DLG2: variants seen among roughly 807,000 people sequenced by gnomAD.
The protein encoded by DLG2 is disks large homolog 2.
Under a neutral mutation model 132.5 loss-of-function variants are expected in DLG2, and 45 were observed. The observed-to-expected ratio is 0.34, with a 90% CI of 0.27 to 0.44. The LOEUF is 0.44. Among genes scored for constraint, DLG2 ranks in the 20% least tolerant of loss-of-function variants. The probability of loss-of-function intolerance (pLI) is 1.00; values close to 1 mark genes in which losing one functional copy is unlikely to be tolerated. For synonymous variants in DLG2, 424 were observed against 419.6 expected (o/e 1.01, Z -0.13); for missense variants, 1,045 against 1,196.9 (o/e 0.87, Z 1.87).
intron 16 of DLG2, among the ~76,000 whole-genome samples, chr11:83,854,348 A>C (rs959557562): frequency 6.6e-6 from 1 of 152,142 alleles, no homozygotes; most frequent in Admixed American, 6.5e-5. Context: ...TCAAAATCCT[A>C]GCAAGTTATT....
At chr11:84,386,634 A>C (rs1041293333) in intron 7 of DLG2, among the ~76,000 whole-genome samples, 6 of 152,160 alleles carry the variant, frequency 3.9e-5, no homozygotes, top group African/African-American at 1.4e-4. Flanking sequence ...CCATCATATT[A>C]TAATTGTTTT....
intron 11 of DLG2, among the ~76,000 whole-genome samples, chr11:84,033,654 G>A (rs938378901): frequency 6.6e-6 from 1 of 152,152 alleles, no homozygotes; most frequent in African/African-American, 2.4e-5. Context: ...TGGGTAAAAC[G>A]CTACCAAACG....
At chr11:84,578,844 G>T (rs968530075) in intron 6 of DLG2, among the ~76,000 whole-genome samples, 1 of 152,060 alleles carries the variant, frequency 6.6e-6, no homozygotes, top group Non-Finnish European at 1.5e-5. Context: ...TGACCCTACC[G>T]AAATCTCAAC....
intron 18 of DLG2, among the ~76,000 whole-genome samples, chr11:83,734,380 C>T (rs1052868081): frequency 6.9e-6 from 1 of 145,642 alleles, no homozygotes; most frequent in Non-Finnish European, 1.5e-5. Flanking sequence ...TCCTTCCTTC[C>T]TTCCTTCCTT....
chr11:85,529,952 G>A (rs2075068360), intron 3 of DLG2, among the ~76,000 whole-genome samples: 1 of 148,654 alleles, frequency 6.7e-6, no homozygotes, highest in South Asian at 2.1e-4. Context: ...TTCTAGCCAA[G>A]TAAACTTAGG....
chr11:84,621,557 G>C (rs2099614044), intron 6 of DLG2, among the ~76,000 whole-genome samples: 2 of 152,126 alleles, frequency 1.3e-5, no homozygotes, highest in South Asian at 4.1e-4. Flanking sequence ...TAGGAAGTCA[G>C]AATTAATTTA....
chr11:85,088,987 A>G (rs1324919979), intron 6 of DLG2, among the ~76,000 whole-genome samples: 1 of 152,190 alleles, frequency 6.6e-6, no homozygotes, highest in East Asian at 1.9e-4. Context: ...GACAATCACA[A>G]GAAAACCTAA....
intron 7 of DLG2, among the ~76,000 whole-genome samples, chr11:84,261,678 G>C (rs1479118750): frequency 6.6e-6 from 1 of 152,150 alleles, no homozygotes; most frequent in African/African-American, 2.4e-5. Flanking sequence ...TCATTTTGAA[G>C]TCAGGGTCCT....
At chr11:85,541,293 C>A (rs1238986950) in intron 3 of DLG2, among the ~76,000 whole-genome samples, 1 of 151,910 alleles carries the variant, frequency 6.6e-6, no homozygotes, top group African/African-American at 2.4e-5. Context: ...TTTTAAATTA[C>A]AATGGATCAC....
At chr11:84,793,470 G>C (rs1040237819) in intron 6 of DLG2, among the ~76,000 whole-genome samples, 2 of 152,048 alleles carry the variant, frequency 1.3e-5, no homozygotes, top group Non-Finnish European at 2.9e-5. Flanking sequence ...TTTCTTTCTG[G>C]GAGATCTGTC....
chr11:85,369,990 A>C (rs563319677), intron 3 of DLG2, among the ~76,000 whole-genome samples: 6 of 152,368 alleles, frequency 3.9e-5, no homozygotes, highest in Admixed American at 3.3e-4. Flanking sequence ...TAAAATGTAA[A>C]TAGGTGAACT....
intron 18 of DLG2, among the ~76,000 whole-genome samples, chr11:83,713,764 T>C (rs1445277419): frequency 2.0e-5 from 3 of 152,224 alleles, no homozygotes; most frequent in Admixed American, 6.5e-5. Flanking sequence ...ACTGTGGCAA[T>C]TGCACCATCT....
In DLG2 at chr11:83,866,086, T is replaced by C. The variant is rs377088313; in HGVS notation, c.1565+8334A>G. Among the ~76,000 whole-genome samples, 9 of 152,208 alleles carry C rather than the reference T, an allele frequency of 5.9e-5. No homozygotes were observed. In the East Asian group the frequency reaches 1.5e-3, roughly 26 times the overall value. On this transcript the variant is annotated intron_variant, in intron 16 of 27. Coordinates refer to ENST00000376104, the MANE Select transcript of DLG2 (RefSeq NM_001142699.3). ...AGCATCACAGTCCCCCCTTTTTTTT[T>C]CACAGAGCTTGACACAGTAACAGAT...
chr11:84,470,988 T>C (rs1163167692), intron 7 of DLG2, among the ~76,000 whole-genome samples: 1 of 151,824 alleles, frequency 6.6e-6, no homozygotes, highest in Non-Finnish European at 1.5e-5. Flanking sequence ...ATTTTTCTTA[T>C]ACACTGTGCT....
At chr11:83,976,819 A>G (rs1431940541) in intron 12 of DLG2, among the ~76,000 whole-genome samples, 1 of 151,844 alleles carries the variant, frequency 6.6e-6, no homozygotes, top group African/African-American at 2.4e-5. Flanking sequence ...TTTTTTTTTG[A>G]GAGTTCATCT....
chr11:85,611,595 C>T (rs938496145), intron 2 of DLG2, among the ~76,000 whole-genome samples: 1 of 152,240 alleles, frequency 6.6e-6, no homozygotes, highest in Admixed American at 6.5e-5. Flanking sequence ...AAGTAAACCT[C>T]TTCCCCCAGG....
chr11:84,412,811 T>C (rs2098914060), intron 7 of DLG2, among the ~76,000 whole-genome samples: 1 of 152,176 alleles, frequency 6.6e-6, no homozygotes, highest in Admixed American at 6.5e-5. Flanking sequence ...CTGACTCTAG[T>C]GGCCTCTGTT....
intron 7 of DLG2, among the ~76,000 whole-genome samples, chr11:84,383,427 A>T (rs1247997324): frequency 2.0e-5 from 3 of 152,124 alleles, no homozygotes; most frequent in Admixed American, 2.0e-4. Context: ...TAATATAGCA[A>T]AGGTGATGGG....
intron 3 of DLG2, among the ~76,000 whole-genome samples, chr11:85,300,491 A>G (rs2079521212): frequency 2.0e-5 from 3 of 152,188 alleles, no homozygotes; most frequent in Admixed American, 2.0e-4. Context: ...AGAAAGAAGC[A>G]GGAAAACCAT....
Sources: gnomAD v4.1 joint callset for allele counts (sites outside exome capture counted in the v4.1 genomes callset) on GRCh38, gnomAD v4.1.1 for gene constraint, MANE v1.5 for transcripts, NCBI Gene and HGNC (gene_info 2026-07-23, HGNC 2026-07-21) for gene names.